The following CACNG5 variants were observed in gnomAD, a reference collection of about 807,000 sequenced individuals.
CACNG5 encodes calcium voltage-gated channel auxiliary subunit gamma 5.
CACNG5 carries 18 observed loss-of-function variants against 24.8 expected under a neutral mutation model. The ratio of observed to expected loss-of-function variants is 0.73; its 90% CI spans 0.50 to 1.08. The LOEUF is 1.08. Ranked by LOEUF, CACNG5 falls within the 50% of genes least tolerant of loss-of-function variation. The pLI is 0.00. For missense variants in CACNG5, 349 were observed against 367.9 expected, an observed-to-expected ratio of 0.95 and a Z score of 0.42; for synonymous variants, 157 against 149.1, an observed-to-expected ratio of 1.05 and a Z score of -0.39.
intron 3 of CACNG5, among the ~76,000 whole-genome samples, chr17:66,880,189 G>C (rs1235013059): frequency 6.6e-6 from 1 of 151,836 alleles, no homozygotes; most frequent in Non-Finnish European, 1.5e-5. Context: ...GAATCTGCCT[G>C]GAAGAGGAAG....
chr17:66,861,967 A>G (rs1452086722), intron 1 of CACNG5, among the ~76,000 whole-genome samples: 1 of 152,158 alleles, frequency 6.6e-6, no homozygotes, highest in Non-Finnish European at 1.5e-5. Flanking sequence ...ATAAAAATCA[A>G]TTTCTGGTGT....
At chr17:66,841,722 C>T (rs1278133464) in intron 1 of CACNG5, among the ~76,000 whole-genome samples, 2 of 152,204 alleles carry the variant, frequency 1.3e-5, no homozygotes, top group African/African-American at 4.8e-5. Flanking sequence ...TTAGACAAGT[C>T]CCCACACTCC....
intron 1 of CACNG5, among the ~76,000 whole-genome samples, chr17:66,858,727 G>C (rs1420499786): frequency 2.4e-5 from 3 of 124,242 alleles, no homozygotes; most frequent in African/African-American, 9.3e-5. Flanking sequence ...GCCCCCTGAA[G>C]AGTGAAATCT....
At chr17:66,863,108 C>T (rs1217748455) in intron 1 of CACNG5, among the ~76,000 whole-genome samples, 1 of 151,850 alleles carries the variant, frequency 6.6e-6, no homozygotes, top group Non-Finnish European at 1.5e-5. Flanking sequence ...TCTAGCCCTT[C>T]TTTTTTTTCT....
At position 66,870,008 on chromosome 17, in the gene CACNG5, G is replaced by A. The variant is rs528726785; in HGVS notation, c.-103-7222G>A. 2.9e-4 allele frequency among the ~76,000 whole-genome samples: 44 copies of A among 152,078 alleles called. 1 individual carries two copies. Among genetic ancestry groups the A allele is most frequent in the Non-Finnish European group, 5.4e-4 (37 of 67,980 alleles). On this transcript the variant is annotated intron_variant, in intron 1 of 5. Transcript: ENST00000533854. The stretch of plus-strand genomic sequence containing the variant: ...TGAGGCAGGAGAATCGCTTGAACCC[G>A]GGAGGCGGAGGTTGCAGTGAGCTGA...
rs112121824 is a variant in CACNG5 at position 66,880,834 on chromosome 17, C to T, written c.424+137C>T. The T allele has an allele frequency of 5.5e-3, 4,829 of 871,656 alleles. 151 individuals are homozygous for T. The African/African-American group carries it at 0.072, about 13-fold the overall frequency. 54.0% of individuals were successfully genotyped at this position (871,656 alleles called of 1,614,324 possible). A position where few individuals can be genotyped will look rare whatever the true frequency, so the allele number is the denominator to read the frequency against. The stretch of plus-strand genomic sequence containing the variant: ...TTGGCTCACTGCAACCTCCACCTCC[C>T]GGATTCAAGCAATTCTGCCTCAGCC... On this transcript the variant is annotated intron_variant, in intron 4 of 5. Coordinates refer to ENST00000533854, the MANE Select transcript of CACNG5 (RefSeq NM_145811.3).
chr17:66,875,150 G>A (rs147218397), intron 1 of CACNG5, among the ~76,000 whole-genome samples: 53 of 152,176 alleles, frequency 3.5e-4, no homozygotes, highest in Non-Finnish European at 5.3e-4. Flanking sequence ...CTCTGCAAGC[G>A]GCAGCACCTC....
At chr17:66,854,375 G>A (rs188277696) in intron 1 of CACNG5, among the ~76,000 whole-genome samples, 167 of 148,656 alleles carry the variant, frequency 1.1e-3, no homozygotes, top group African/African-American at 3.8e-3. Context: ...GCAGTGAGCC[G>A]AGATCGCGCC....
chr17:66,854,479 G>A (rs1289204504), intron 1 of CACNG5, among the ~76,000 whole-genome samples: 1 of 149,084 alleles, frequency 6.7e-6, no homozygotes, highest in East Asian at 2.0e-4. Context: ...GATCACTTGA[G>A]GTCAGGAGTT....
rs894977340 is a variant in CACNG5, at chr17:66,887,047, A to G, written c.*1807A>G. Among the ~76,000 whole-genome samples, 7 of 152,194 alleles carry G rather than the reference A, an allele frequency of 4.6e-5. No homozygotes were observed. The highest frequency in any genetic ancestry group is 1.7e-4 in the African/African-American group (7 of 41,448). Reference sequence around the variant, plus strand: ...TAATTTTCATGAAATAACCTCTTTAAAGGCTCTATCTCCAAATACAGTCAT... The same window carrying G: ...TAATTTTCATGAAATAACCTCTTTAGAGGCTCTATCTCCAAATACAGTCAT... On this transcript the variant is annotated 3_prime_UTR_variant, in exon 6 of 6. Transcript: ENST00000533854.
In CACNG5 at chr17:66,848,463, G is replaced by A. The variant is rs78923662; in HGVS notation, c.-104+13213G>A. ...TGGGGACAGTCCCAGGTATGGGCTG[G>A]GCCCTGCACACGGTCACCTCATATT... is the stretch of plus-strand genomic sequence containing the variant. On this transcript the variant is annotated intron_variant, in intron 1 of 5. Coordinates refer to ENST00000533854, the MANE Select transcript of CACNG5 (RefSeq NM_145811.3). 4.0e-3 allele frequency among the ~76,000 whole-genome samples: 607 copies of A among 152,268 alleles called. 5 individuals are homozygous for A. The highest frequency in any genetic ancestry group is 0.014 in the African/African-American group (563 of 41,534).
intron 1 of CACNG5, among the ~76,000 whole-genome samples, chr17:66,851,291 T>G (rs143679675): frequency 1.6e-3 from 236 of 152,248 alleles, no homozygotes; most frequent in African/African-American, 5.6e-3. Context: ...TTGATGGAAC[T>G]TCTAGCTCAC....
At chr17:66,844,557 A>G (rs1468166790) in intron 1 of CACNG5, among the ~76,000 whole-genome samples, 1 of 152,192 alleles carries the variant, frequency 6.6e-6, no homozygotes, top group Non-Finnish European at 1.5e-5. Flanking sequence ...AGTTCATCAT[A>G]TCCTCTCCAT....
rs1977309231 is a variant in CACNG5, at chr17:66,889,371, G to C, written c.*4131G>C. 6.6e-6 allele frequency among the ~76,000 whole-genome samples: 1 copy of C among 152,168 alleles called. No homozygotes were observed. The highest frequency in any genetic ancestry group is 2.4e-5 in the African/African-American group (1 of 41,434). ...GGCTGCATGCAGAGCTGGGGTGGGG[G>C]CGTGGGGGAAATCCATAGGTTGCCA... On this transcript the variant is annotated 3_prime_UTR_variant, in exon 6 of 6. Transcript: ENST00000533854.
At chr17:66,881,465 C>G (rs944835551) in intron 4 of CACNG5, among the ~76,000 whole-genome samples, 3 of 152,192 alleles carry the variant, frequency 2.0e-5, no homozygotes, top group African/African-American at 7.2e-5. Flanking sequence ...CAGTCACACC[C>G]CACACCATAA....
rs536764089 is a variant in CACNG5 at position 66,856,990 on chromosome 17, G to A, written c.-103-20240G>A. The stretch of plus-strand genomic sequence containing the variant: ...TGGAATCATGAAGTGAAGTTTTAAA[G>A]AAAATTATCATCAAAAACAAATAAA... On this transcript the variant is annotated intron_variant, in intron 1 of 5. Coordinates refer to ENST00000533854, the MANE Select transcript of CACNG5 (RefSeq NM_145811.3). Among the ~76,000 whole-genome samples the A allele has an allele frequency of 3.4e-5, 5 of 145,786 alleles. No homozygotes were observed. The South Asian group carries it at 8.8e-4, about 26-fold the overall frequency.
chr17:66,853,321 T>C lies in CACNG5; in HGVS notation c.-104+18071T>C, dbSNP rs1022427167. Among the ~76,000 whole-genome samples, 96 of 152,202 alleles carry C rather than the reference T, an allele frequency of 6.3e-4. 1 individual carries two copies. Among genetic ancestry groups the C allele is most frequent in the Non-Finnish European group, 1.2e-4 (8 of 68,034 alleles). ...TCAAGCTGTACTCGGGTGTAAGTCT[T>C]TATGCAACCACAAGTTTTCATTTTT... On this transcript the variant is annotated intron_variant, in intron 1 of 5. Transcript: ENST00000533854.
At chr17:66,855,279 T>C (rs950803611) in intron 1 of CACNG5, among the ~76,000 whole-genome samples, 1 of 152,244 alleles carries the variant, frequency 6.6e-6, no homozygotes, top group African/African-American at 2.4e-5. Context: ...AGCGATTCTC[T>C]GAGCGGCTTT....
intron 1 of CACNG5, among the ~76,000 whole-genome samples, chr17:66,869,453 G>A (rs1976972864): frequency 6.6e-6 from 1 of 152,142 alleles, no homozygotes; most frequent in African/African-American, 2.4e-5. Flanking sequence ...TACTTGATAA[G>A]TCTTTCATAA....
Sources: allele counts gnomAD v4.1 joint callset (sites outside exome capture counted in the v4.1 genomes callset), GRCh38; gene constraint gnomAD v4.1.1; transcripts MANE v1.5; gene names NCBI Gene and HGNC (gene_info 2026-07-23, HGNC 2026-07-21).